The following KHDRBS2 variants were observed in gnomAD, a reference collection of about 807,000 sequenced individuals.
KHDRBS2 encodes the protein KH domain-containing, RNA-binding, signal transduction-associated protein 2.
KHDRBS2 carries 26 observed loss-of-function variants against 44.3 expected under a neutral mutation model. The ratio of observed to expected loss-of-function variants is 0.59; its 90% CI spans 0.43 to 0.81. The LOEUF (loss-of-function observed/expected upper bound fraction) is 0.81. KHDRBS2 is among the 40% of genes least tolerant of loss of function. The pLI, the probability that KHDRBS2 is intolerant of heterozygous loss-of-function variation, is 0.00. For missense variants in KHDRBS2, 476 were observed against 433.1 expected (o/e 1.10, Z -0.88); for synonymous variants, 194 against 151.1 (o/e 1.28, Z -2.08).
At chr6:62,089,602 G>A (rs1320267400) in intron 2 of KHDRBS2, among the ~76,000 whole-genome samples, 1 of 151,946 alleles carries the variant, frequency 6.6e-6, no homozygotes, top group African/African-American at 2.4e-5. Flanking sequence ...TACCTCAGTT[G>A]GAAATGCAGA....
intron 6 of KHDRBS2, among the ~76,000 whole-genome samples, chr6:61,782,970 C>G (rs1783242161): frequency 1.3e-5 from 2 of 151,686 alleles, no homozygotes; most frequent in Admixed American, 6.6e-5. Context: ...TACTGCATTA[C>G]ATTGGCCAAA....
chr6:62,050,502 C>G (rs559841287), intron 2 of KHDRBS2, among the ~76,000 whole-genome samples: 64 of 151,422 alleles, frequency 4.2e-4, no homozygotes, highest in Admixed American at 7.2e-4. Context: ...AATAGATAAG[C>G]CACAGGCTGA....
At chr6:61,856,267 T>C (rs1248383637) in intron 6 of KHDRBS2, among the ~76,000 whole-genome samples, 3 of 152,172 alleles carry the variant, frequency 2.0e-5, no homozygotes, top group Non-Finnish European at 4.4e-5. Context: ...CACACTTTAG[T>C]GTCTAAGCTT....
At chr6:61,831,516 A>G (rs776475990) in intron 6 of KHDRBS2, among the ~76,000 whole-genome samples, 9 of 152,084 alleles carry the variant, frequency 5.9e-5, no homozygotes, top group Non-Finnish European at 1.2e-4. Context: ...GATTGAGTCA[A>G]TATTCATAAC....
At chr6:61,738,211 A>G (rs1775668898) in intron 6 of KHDRBS2, among the ~76,000 whole-genome samples, 1 of 152,046 alleles carries the variant, frequency 6.6e-6, no homozygotes, top group South Asian at 2.1e-4. Context: ...TCAAGTACAA[A>G]GAGCACATCC....
At chr6:61,896,888 G>A (rs561364665) in intron 5 of KHDRBS2, among the ~76,000 whole-genome samples, 24 of 152,216 alleles carry the variant, frequency 1.6e-4, no homozygotes, top group African/African-American at 5.8e-4. Flanking sequence ...TAAGATTGTG[G>A]ACTATTATCT....
At chr6:62,134,004 G>A (rs1033685135) in intron 2 of KHDRBS2, among the ~76,000 whole-genome samples, 6 of 152,120 alleles carry the variant, frequency 3.9e-5, no homozygotes, top group Admixed American at 3.9e-4. Context: ...GCCTGATGAT[G>A]CAACAGAAAA....
chr6:62,108,000 A>C (rs1803908454), intron 2 of KHDRBS2, among the ~76,000 whole-genome samples: 1 of 152,186 alleles, frequency 6.6e-6, no homozygotes, highest in African/African-American at 2.4e-5. Context: ...CCTAGAAGAA[A>C]ACGTAGGCAT....
chr6:61,680,922 A>C lies in KHDRBS2; in HGVS notation c.*41T>G. ...GCTGTTTATGTGGAGACCACAGGCT[A>C]TGAATTGTCTTTGAGGTGAGGTCAC... On this transcript the variant is annotated 3_prime_UTR_variant, in exon 9 of 9. Transcript: ENST00000281156. 7.8e-7 allele frequency: 1 copy of C among 1,278,336 alleles called. No homozygotes were observed. The highest frequency in any genetic ancestry group is 1.8e-5 in the Admixed American group (1 of 54,780). 79.2% of individuals were successfully genotyped at this position (1,278,336 alleles called of 1,614,324 possible).
chr6:61,553,949 T>C, the KHDRBS2 span, among the ~76,000 whole-genome samples: 2 of 152,190 alleles, frequency 1.3e-5, no homozygotes, highest in Admixed American at 6.5e-5. Context: ...GTGTGTGCCA[T>C]GTGCTGATGC....
At chr6:62,210,050 A>C (rs1828758883) in intron 1 of KHDRBS2, among the ~76,000 whole-genome samples, 1 of 152,094 alleles carries the variant, frequency 6.6e-6, no homozygotes, top group African/African-American at 2.4e-5. Flanking sequence ...ACTCCCCTTC[A>C]TATATACATC....
intron 4 of KHDRBS2, among the ~76,000 whole-genome samples, chr6:61,918,285 CT>C (rs1475769809): frequency 1.3e-5 from 2 of 151,812 alleles, no homozygotes; most frequent in Non-Finnish European, 2.9e-5. Context: ...TCATAGATGC[CT>C]AAATCAGAGT....
chr6:61,771,129 C>A lies in KHDRBS2; in HGVS notation c.811-38365G>T, dbSNP rs1235705983. 2.6e-5 allele frequency among the ~76,000 whole-genome samples: 4 copies of A among 152,238 alleles called. No individual in the cohort carries two copies. The South Asian group carries it at 8.3e-4, about 32-fold the overall frequency. Reference sequence around the variant, plus strand: ...AGAAATAAAATACTTTACAGAGAAGCAAATGCTGAGAGATTTTGTCACCAC... The same window carrying A: ...AGAAATAAAATACTTTACAGAGAAGAAAATGCTGAGAGATTTTGTCACCAC... On this transcript the variant is annotated intron_variant, in intron 6 of 8. Coordinates refer to ENST00000281156, the MANE Select transcript of KHDRBS2 (RefSeq NM_152688.4).
intron 2 of KHDRBS2, among the ~76,000 whole-genome samples, chr6:62,061,351 T>C (rs1381700114): frequency 6.6e-6 from 1 of 151,836 alleles, no homozygotes; most frequent in Non-Finnish European, 1.5e-5. Flanking sequence ...CTTCAGGAGC[T>C]CTTTTAGGGC....
At chr6:61,773,475 T>A (rs1304101599) in intron 6 of KHDRBS2, among the ~76,000 whole-genome samples, 1 of 152,174 alleles carries the variant, frequency 6.6e-6, no homozygotes, top group Non-Finnish European at 1.5e-5. Flanking sequence ...CTTTGCCCAC[T>A]TTTTGATGGG....
intron 6 of KHDRBS2, among the ~76,000 whole-genome samples, chr6:61,845,758 C>T (rs185978595): frequency 5.4e-4 from 82 of 152,294 alleles, no homozygotes; most frequent in Admixed American, 5.1e-3. Context: ...CTCTATACAC[C>T]ATTCTTTCCA....
the KHDRBS2 span, among the ~76,000 whole-genome samples, chr6:61,662,456 C>G: frequency 6.6e-6 from 1 of 151,982 alleles, no homozygotes; most frequent in Non-Finnish European, 1.5e-5. Flanking sequence ...TCAGAGTGAA[C>G]AGGCAACCTA....
intron 7 of KHDRBS2, among the ~76,000 whole-genome samples, chr6:61,706,626 A>T (rs1769610394): frequency 6.6e-6 from 1 of 151,810 alleles, no homozygotes; most frequent in South Asian, 2.1e-4. Context: ...TCACATAAAA[A>T]TCATTACATA....
At chr6:61,586,351 C>T in the KHDRBS2 span, among the ~76,000 whole-genome samples, 131 of 152,186 alleles carry the variant, frequency 8.6e-4, 1 homozygote, top group African/African-American at 3.0e-3. Flanking sequence ...GTGCATTTTC[C>T]CACTCTGCTT....
Sources: allele counts gnomAD v4.1 joint callset (sites outside exome capture counted in the v4.1 genomes callset), GRCh38; gene constraint gnomAD v4.1.1; transcripts MANE v1.5; gene names NCBI Gene and HGNC (gene_info 2026-07-23, HGNC 2026-07-21).